The following RABEP1 variants were observed in gnomAD, a reference collection of about 807,000 sequenced individuals.
RABEP1 encodes rabaptin, RAB GTPase binding effector protein 1, also known as rab GTPase-binding effector protein 1.
In RABEP1, 51 loss-of-function variants were observed where a neutral mutation model predicts 123.4. The observed-to-expected ratio is 0.41, with a 90% confidence interval of 0.33 to 0.52. The LOEUF (loss-of-function observed/expected upper bound fraction) is 0.52. Among genes scored for constraint, RABEP1 ranks in the 20% least tolerant of loss-of-function variants. The pLI is 0.16. For missense variants in RABEP1, 888 were observed against 996.3 expected (o/e 0.89, Z 1.46); for synonymous variants, 347 against 355.2 (o/e 0.98, Z 0.26).
At chr17:5,369,737 G>A (rs1302084307) in intron 12 of RABEP1, among the ~76,000 whole-genome samples, 2 of 146,996 alleles carry the variant, frequency 1.4e-5, no homozygotes, top group Admixed American at 6.8e-5. Flanking sequence ...TTCTGCTTTT[G>A]TTGCCTAGGC....
At chr17:5,338,283 C>G in intron 5 of RABEP1, 145 bp downstream of exon 5, 1 of 1,074,760 alleles carries the variant, frequency 9.3e-7, no homozygotes, top group Non-Finnish European at 1.2e-6. Context: ...AAAAAACTGC[C>G]GGGCGAGGTG....
Position 5,383,210 on chromosome 17 carries a change from T to C in RABEP1, c.2576T>C (p.Leu859Pro). Residue 859 changes from leucine (L) to proline (P), a missense_variant, in exon 18 of 18, where the codon CTT becomes CCT. Transcript: ENST00000537505. ...NDTKLTDINQ[L>P]PET ...ACTAAACTGACAGACATTAACCAGCTTCCTGAGACATGACACCCTCATGGC... is the reference window on the plus strand; with the variant it reads ...ACTAAACTGACAGACATTAACCAGCCTCCTGAGACATGACACCCTCATGGC... 6.2e-7 allele frequency: 1 copy of C among 1,613,958 alleles called. No homozygotes were observed. Among genetic ancestry groups the C allele is most frequent in the East Asian group, 2.2e-5 (1 of 44,904 alleles).
rs372328386 is a variant in RABEP1, at chr17:5,310,569, C to T, written c.163+1747C>T. 3.9e-5 allele frequency among the ~76,000 whole-genome samples: 6 copies of T among 152,020 alleles called. No individual in the cohort carries two copies. In the East Asian group the frequency reaches 7.8e-4, roughly 20 times the overall value. On this transcript the variant is annotated intron_variant, in intron 2 of 17. Coordinates refer to ENST00000537505, the MANE Select transcript of RABEP1 (RefSeq NM_004703.6). ...TCCTGACCTTGTGATCCGCCCGCTT[C>T]GGCCTCCCAAAGTGCTGGGTGAGCC...
intron 8 of RABEP1, among the ~76,000 whole-genome samples, chr17:5,359,507 T>C (rs1284526276): frequency 6.6e-6 from 1 of 152,178 alleles, no homozygotes; most frequent in African/African-American, 2.4e-5. Context: ...GAATGGCTTA[T>C]CCCAGTTTTT....
intron 1 of RABEP1, among the ~76,000 whole-genome samples, chr17:5,288,714 A>AT (rs1260122967): frequency 7.5e-6 from 1 of 133,738 alleles, no homozygotes; most frequent in Non-Finnish European, 1.6e-5. Context: ...TCTTTTCTTT[A>AT]TTTTTTTGAG....
chr17:5,306,101 A>G (rs1466524298), intron 1 of RABEP1, among the ~76,000 whole-genome samples: 2 of 152,234 alleles, frequency 1.3e-5, no homozygotes, highest in Non-Finnish European at 2.9e-5. Flanking sequence ...TAAATTGGAA[A>G]TAACATAAAA....
At chr17:5,331,027 C>CTT (rs1187502263) in intron 2 of RABEP1, among the ~76,000 whole-genome samples, 38 of 87,050 alleles carry the variant, frequency 4.4e-4, no homozygotes, top group East Asian at 8.2e-4. Flanking sequence ...TATCTCTTAA[C>CTT]TTTTTTTTTT....
intron 12 of RABEP1, among the ~76,000 whole-genome samples, chr17:5,372,848 T>C (rs1353305040): frequency 1.3e-5 from 2 of 151,900 alleles, no homozygotes; most frequent in African/African-American, 2.4e-5. Flanking sequence ...CTCCGCCTCC[T>C]GGGTTCAAGC....
At chr17:5,378,075 A>G (rs1911146733) in intron 14 of RABEP1, 102 bp from the exon 15 acceptor site, 1 of 831,034 alleles carries the variant, frequency 1.2e-6, no homozygotes, top group Non-Finnish European at 1.9e-6. Flanking sequence ...CATGTTCAGC[A>G]TACATTTGAA....
intron 2 of RABEP1, among the ~76,000 whole-genome samples, chr17:5,327,377 C>T (rs973402339): frequency 6.7e-6 from 1 of 148,920 alleles, no homozygotes; most frequent in Non-Finnish European, 1.5e-5. Flanking sequence ...AAAAAACAAA[C>T]AAAACCCAAA....
At chr17:5,312,128 T>G (rs1003812206) in intron 2 of RABEP1, among the ~76,000 whole-genome samples, 1 of 152,230 alleles carries the variant, frequency 6.6e-6, no homozygotes, top group African/African-American at 2.4e-5. Flanking sequence ...GTCATTCACT[T>G]TTTAATTATT....
intron 13 of RABEP1, among the ~76,000 whole-genome samples, chr17:5,375,852 TTTTA>T (rs1910948333): frequency 6.8e-6 from 1 of 147,696 alleles, no homozygotes; most frequent in Non-Finnish European, 1.5e-5. Context: ...TATTCCTAGA[TTTTA>T]TTTCATTTTA....
At chr17:5,366,853 G>C (rs1361059838) in intron 11 of RABEP1, among the ~76,000 whole-genome samples, 1 of 151,766 alleles carries the variant, frequency 6.6e-6, no homozygotes, top group Non-Finnish European at 1.5e-5. Context: ...ACTTTGGGAG[G>C]CCGAGGCGGG....
Position 5,304,753 on chromosome 17 carries a change from A to T in RABEP1, c.35-3941A>T, listed in dbSNP as rs555582443. ...TTTAATTTTGTTGAAGGCTGGCATT[A>T]CAGTAATTAGTATTAGTTTGTTCAT... On this transcript the variant is annotated intron_variant, in intron 1 of 17. Transcript: ENST00000537505. Among the ~76,000 whole-genome samples the T allele has an allele frequency of 2.6e-5, 4 of 152,320 alleles. 1 individual carries two copies. The highest frequency in any genetic ancestry group is 9.6e-5 in the African/African-American group (4 of 41,576).
Position 5,361,586 on chromosome 17 carries a change from A to G in RABEP1, c.1474A>G (p.Ser492Gly). Reference protein sequence around the residue: ...EQEETASLLSSVTQGMESAYV... With the variant: ...EQEETASLLSGVTQGMESAYV... ...AGAAGAGACAGCGTCCCTCCTCTCC[A>G]GCGTTACCCAGGGCATGGAGAGTGC... is the stretch of plus-strand genomic sequence containing the variant. Residue 492 changes from serine (S) to glycine (G), a missense_variant, in exon 9 of 18, where the codon AGC (serine) becomes GGC (glycine). By Grantham distance (56) the Ser-to-Gly change is moderately conservative. Coordinates refer to ENST00000537505, the MANE Select transcript of RABEP1 (RefSeq NM_004703.6). 2.5e-6 allele frequency: 4 copies of G among 1,614,202 alleles called. No individual in the cohort carries two copies. Among genetic ancestry groups the G allele is most frequent in the Non-Finnish European group, 3.4e-6 (4 of 1,180,036 alleles).
intron 1 of RABEP1, among the ~76,000 whole-genome samples, chr17:5,285,268 A>G (rs1205289208): frequency 6.7e-6 from 1 of 148,962 alleles, no homozygotes; most frequent in Non-Finnish European, 1.5e-5. Context: ...TCTTTGAAGC[A>G]TTTGCTCTGG....
intron 7 of RABEP1, among the ~76,000 whole-genome samples, chr17:5,354,112 A>T (rs902063656): frequency 6.6e-6 from 1 of 152,008 alleles, no homozygotes; most frequent in African/African-American, 2.4e-5. Flanking sequence ...TTTATACAGT[A>T]TACTTTTCTT....
At chr17:5,357,487 T>G (rs577085773) in intron 8 of RABEP1, among the ~76,000 whole-genome samples, 1 of 152,250 alleles carries the variant, frequency 6.6e-6, no homozygotes, top group South Asian at 2.1e-4. Flanking sequence ...TTCTCGTGCC[T>G]CAGCCTCCCG....
rs1184524374 is a variant in RABEP1 at position 5,378,170 on chromosome 17, C to T, written c.2216-7C>T. On this transcript the variant is annotated splice_polypyrimidine_tract_variant and splice_region_variant and intron_variant, in intron 14 of 17. Coordinates refer to ENST00000537505, the MANE Select transcript of RABEP1 (RefSeq NM_004703.6). ...AATGCTAATACATCTCATTTTTTTC[C>T]TTCTAGCTTCTATTTCTAGCCTAAA... 40 of 1,562,928 alleles carry T rather than the reference C, an allele frequency of 2.6e-5. No individual in the cohort carries two copies. Among genetic ancestry groups the T allele is most frequent in the Middle Eastern group, 1.7e-4 (1 of 5,910 alleles).
Sources: allele counts gnomAD v4.1 joint callset (sites outside exome capture counted in the v4.1 genomes callset), GRCh38; gene constraint gnomAD v4.1.1; transcripts MANE v1.5; gene names NCBI Gene and HGNC (gene_info 2026-07-23, HGNC 2026-07-21).